CADPS: variants seen among roughly 807,000 people sequenced by gnomAD.
CADPS encodes the protein calcium-dependent secretion activator 1.
A neutral mutation model predicts 167.3 loss-of-function variants in CADPS; 57 were observed. The observed-to-expected ratio is 0.34, with a 90% CI of 0.28 to 0.42. The LOEUF is 0.42. CADPS is among the 20% of genes least tolerant of loss of function. CADPS has a pLI of 1.00. For missense variants in CADPS, 1,414 were observed against 1,738.1 expected (o/e 0.81, Z 3.32); for synonymous variants, 676 against 635.3 (o/e 1.06, Z -0.96).
intron 28 of CADPS, among the ~76,000 whole-genome samples, chr3:62,426,516 T>A (rs2052718939): frequency 6.6e-6 from 1 of 152,142 alleles, no homozygotes; most frequent in Non-Finnish European, 1.5e-5. Context: ...ATTCATGGAG[T>A]CATTTCTATG....
intron 8 of CADPS, among the ~76,000 whole-genome samples, chr3:62,572,921 AC>A (rs1204408490): frequency 6.6e-6 from 1 of 152,056 alleles, no homozygotes; most frequent in Non-Finnish European, 1.5e-5. Context: ...GCACTCCGTC[AC>A]CCAGGCTGGA....
At chr3:62,663,846 C>T in intron 3 of CADPS, among the ~76,000 whole-genome samples, 1 of 152,146 alleles carries the variant, frequency 6.6e-6, no homozygotes, top group East Asian at 1.9e-4. Flanking sequence ...TTATCTTCCC[C>T]TTTCCACAGT....
chr3:62,657,978 T>C (rs546530494), intron 4 of CADPS, among the ~76,000 whole-genome samples: 90 of 152,270 alleles, frequency 5.9e-4, no homozygotes, highest in Admixed American at 1.1e-3. Context: ...TGCTGCTTCA[T>C]ATGGGCTTCT....
chr3:62,861,968 T>C (rs1226091226), intron 1 of CADPS, among the ~76,000 whole-genome samples: 1 of 152,016 alleles, frequency 6.6e-6, no homozygotes, highest in Non-Finnish European at 1.5e-5. Flanking sequence ...TTAGTTCAAA[T>C]ACCACTTCTT....
At chr3:62,724,874 G>A (rs1033770368) in intron 3 of CADPS, among the ~76,000 whole-genome samples, 3 of 152,232 alleles carry the variant, frequency 2.0e-5, no homozygotes, top group African/African-American at 7.2e-5. Flanking sequence ...CTCAGGATAA[G>A]CTTAAACACA....
At chr3:62,773,707 A>G (rs910447513) in intron 1 of CADPS, among the ~76,000 whole-genome samples, 3 of 152,138 alleles carry the variant, frequency 2.0e-5, no homozygotes, top group African/African-American at 7.2e-5. Context: ...TGTAGTAGCT[A>G]TTGTTAAATT....
Position 62,448,610 on chromosome 3 carries a change from T to A in CADPS, c.3637-2813A>T, listed in dbSNP as rs1415860882. ...TGTGTATCATTTTTGGTTCGGGATA[T>A]TGAACTTTTTTGGGGGGGGGTGGTA... On this transcript the variant is annotated intron_variant, in intron 26 of 29. Transcript: ENST00000383710. Among the ~76,000 whole-genome samples the A allele has an allele frequency of 2.1e-5, 3 of 144,270 alleles. No homozygotes were observed. The East Asian group carries it at 6.1e-4, about 29-fold the overall frequency. The allele number at this position is 144,270 out of a possible 152,430, so 94.6% of individuals were successfully genotyped here.
chr3:62,836,801 T>G (rs2075964520), intron 1 of CADPS, among the ~76,000 whole-genome samples: 1 of 152,128 alleles, frequency 6.6e-6, no homozygotes, highest in Admixed American at 6.6e-5. Context: ...TCCTGGAACT[T>G]TCCTTTCGCC....
At chr3:62,435,916 C>T (rs549112172) in intron 28 of CADPS, among the ~76,000 whole-genome samples, 30 of 151,722 alleles carry the variant, frequency 2.0e-4, no homozygotes, top group African/African-American at 4.1e-4. Context: ...AACTTGCTTT[C>T]GGAAAAAAAT....
At chr3:62,861,246 G>A (rs756553808) in intron 1 of CADPS, among the ~76,000 whole-genome samples, 12 of 152,288 alleles carry the variant, frequency 7.9e-5, no homozygotes, top group Non-Finnish European at 1.8e-4. Context: ...ACAATGTTAT[G>A]CAGAAGAGTT....
At chr3:62,838,226 T>G (rs1443575485) in intron 1 of CADPS, among the ~76,000 whole-genome samples, 6 of 152,186 alleles carry the variant, frequency 3.9e-5, no homozygotes, top group Non-Finnish European at 8.8e-5. Flanking sequence ...GGTAATGACA[T>G]GATGAGGCTT....
intron 29 of CADPS, among the ~76,000 whole-genome samples, chr3:62,402,228 C>T (rs1344409734): frequency 9.6e-4 from 4 of 4,154 alleles, no homozygotes; most frequent in Admixed American, 4.5e-3. Flanking sequence ...GACTAAGAAA[C>T]GGGGTGGGGG....
chr3:62,692,426 A>C (rs1344114896), intron 3 of CADPS, among the ~76,000 whole-genome samples: 1 of 152,036 alleles, frequency 6.6e-6, no homozygotes, highest in Non-Finnish European at 1.5e-5. Flanking sequence ...ATTCATCTGC[A>C]TTCTTTCCCA....
intron 6 of CADPS, among the ~76,000 whole-genome samples, chr3:62,596,088 T>TACACACACAC (rs56780830): frequency 1.3e-4 from 18 of 135,974 alleles, no homozygotes; most frequent in African/African-American, 2.3e-4. Context: ...TATATATGTA[T>TACACACACAC]ACACACACAC....
At chr3:62,779,368 GC>G in intron 1 of CADPS, 3 of 450,454 alleles carry the variant, frequency 6.7e-6, no homozygotes, top group South Asian at 2.0e-5. Flanking sequence ...AATAGCAGGT[GC>G]TTTTTTGGGA....
chr3:62,846,886 T>G (rs923204548), intron 1 of CADPS, among the ~76,000 whole-genome samples: 3 of 152,196 alleles, frequency 2.0e-5, no homozygotes, highest in African/African-American at 7.2e-5. Context: ...CAGGCTATTC[T>G]CAAACTCCTG....
At chr3:62,637,068 T>C (rs934833855) in intron 6 of CADPS, among the ~76,000 whole-genome samples, 1 of 152,154 alleles carries the variant, frequency 6.6e-6, no homozygotes, top group African/African-American at 2.4e-5. Context: ...AGTGACATTA[T>C]AGTGAGTTTT....
chr3:62,590,097 G>A (rs2085603933), intron 7 of CADPS, among the ~76,000 whole-genome samples: 1 of 151,356 alleles, frequency 6.6e-6, no homozygotes, highest in South Asian at 2.1e-4. Context: ...GCTGAGGCAT[G>A]AGAATCACAT....
Position 62,643,377 on chromosome 3 carries a change from G to T in CADPS, c.1325+2345C>A, listed in dbSNP as rs562515673. Among the ~76,000 whole-genome samples the T allele has an allele frequency of 1.3e-3, 204 of 152,226 alleles. 6 individuals carry two copies. The South Asian group carries it at 0.041, about 31-fold the overall frequency. Reference sequence around the variant, plus strand: ...TGGTCATGAAACCTGAATCCTTAAGGTATTACAAATCAACCAACCTACTGA... The same window carrying T: ...TGGTCATGAAACCTGAATCCTTAAGTTATTACAAATCAACCAACCTACTGA... On this transcript the variant is annotated intron_variant, in intron 6 of 29. Coordinates refer to ENST00000383710, the MANE Select transcript of CADPS (RefSeq NM_003716.4).
Sources: allele counts gnomAD v4.1 joint callset (sites outside exome capture counted in the v4.1 genomes callset), GRCh38; gene constraint gnomAD v4.1.1; transcripts MANE v1.5; gene names NCBI Gene and HGNC (gene_info 2026-07-23, HGNC 2026-07-21).